The following PKIB variants were observed in gnomAD, a reference collection of about 807,000 sequenced individuals.
The protein encoded by PKIB is PKI-beta.
A neutral mutation model predicts 4.5 loss-of-function variants in PKIB; 2 were observed. That is an observed-to-expected ratio of 0.44 (90% CI 0.18 to 1.39). PKIB has a LOEUF of 1.39. Among genes scored for constraint, PKIB ranks in the 40% most tolerant of loss-of-function variants. PKIB has a pLI of 0.27. For synonymous variants in PKIB, 38 were observed against 36.0 expected, an observed-to-expected ratio of 1.06 and a Z score of -0.20; for missense variants, 94 against 92.6, an observed-to-expected ratio of 1.02 and a Z score of -0.06.
chr6:122,508,586 T>C (rs1776490667), intron 2 of PKIB, among the ~76,000 whole-genome samples: 1 of 152,162 alleles, frequency 6.6e-6, no homozygotes, highest in South Asian at 2.1e-4. Context: ...TGTGCTCAGA[T>C]ATGAGTTATA....
At chr6:122,693,417 A>G (rs1778430526) in intron 3 of PKIB, among the ~76,000 whole-genome samples, 2 of 152,238 alleles carry the variant, frequency 1.3e-5, no homozygotes, top group Admixed American at 1.3e-4. Context: ...TTGAATTATG[A>G]TAGATTTGTG....
chr6:122,497,768 A>G (rs752891527), intron 2 of PKIB, among the ~76,000 whole-genome samples: 1 of 152,158 alleles, frequency 6.6e-6, no homozygotes, highest in Non-Finnish European at 1.5e-5. Flanking sequence ...ATAGTGGGGG[A>G]CTTTACCATT....
At chr6:122,593,842 G>A (rs1362960284) in intron 3 of PKIB, among the ~76,000 whole-genome samples, 2 of 152,172 alleles carry the variant, frequency 1.3e-5, no homozygotes, top group Admixed American at 1.3e-4. Flanking sequence ...GATTAAGGAT[G>A]GATCTGCCTT....
At chr6:122,590,861 C>T (rs1773997723) in intron 3 of PKIB, among the ~76,000 whole-genome samples, 1 of 151,980 alleles carries the variant, frequency 6.6e-6, no homozygotes, top group Non-Finnish European at 1.5e-5. Flanking sequence ...CCTCTGCCCA[C>T]AAAGGGTAAT....
intron 3 of PKIB, among the ~76,000 whole-genome samples, chr6:122,587,805 T>C (rs562275252): frequency 2.6e-5 from 4 of 152,282 alleles, no homozygotes; most frequent in Admixed American, 6.5e-5. Flanking sequence ...TCATGTGTCT[T>C]TTGGCTGCAT....
chr6:122,576,225 C>T (rs765064062), intron 2 of PKIB, among the ~76,000 whole-genome samples: 5 of 152,034 alleles, frequency 3.3e-5, no homozygotes, highest in Non-Finnish European at 5.9e-5. Flanking sequence ...TTTGGCTGGG[C>T]GTGGTGGCTC....
intron 1 of PKIB, among the ~76,000 whole-genome samples, chr6:122,630,661 A>T (rs1186971995): frequency 6.6e-6 from 1 of 152,186 alleles, no homozygotes; most frequent in East Asian, 1.9e-4. Flanking sequence ...AATGATTATG[A>T]TACATTTTAT....
intron 3 of PKIB, chr6:122,701,374 T>G (rs563019082): frequency 2.4e-4 from 325 of 1,343,760 alleles, no homozygotes; most frequent in Non-Finnish European, 1.3e-4. Context: ...AGCTCTAGCC[T>G]GAGCTCTGGT....
chr6:122,634,129 G>A (rs1270919913), intron 2 of PKIB, among the ~76,000 whole-genome samples: 1 of 152,040 alleles, frequency 6.6e-6, no homozygotes, highest in African/African-American at 2.4e-5. Context: ...AACACTGCAT[G>A]TTCTCACTCA....
At position 122,725,245 on chromosome 6, in the gene PKIB, A is replaced by C. The variant is rs373207270; in HGVS notation, c.*50A>C. 7.4e-5 allele frequency: 108 copies of C among 1,463,942 alleles called. No homozygotes were observed. The African/African-American group carries it at 1.3e-3, about 18-fold the overall frequency. The allele number at this position is 1,463,942 out of a possible 1,614,324, so 90.7% of individuals were successfully genotyped here. A position where few individuals can be genotyped will look rare whatever the true frequency, so the allele number is the denominator to read the frequency against. On this transcript the variant is annotated 3_prime_UTR_variant, in exon 5 of 5. Transcript: ENST00000368452. ...TGAATTTCTGCATGTTGAAAGACTT[A>C]GTGGTTCTGTTTTCTTGAGACATTT...
At chr6:122,549,840 GTATA>G (rs1400336270) in intron 2 of PKIB, among the ~76,000 whole-genome samples, 2 of 146,366 alleles carry the variant, frequency 1.4e-5, no homozygotes, top group African/African-American at 5.0e-5. Flanking sequence ...AAATATATAT[GTATA>G]TATACACATA....
intron 2 of PKIB, among the ~76,000 whole-genome samples, chr6:122,487,304 T>G (rs1032983857): frequency 6.6e-6 from 1 of 152,224 alleles, no homozygotes; most frequent in Admixed American, 6.5e-5. Flanking sequence ...TTTTGAAGAA[T>G]GAAAGTTAGT....
intron 2 of PKIB, among the ~76,000 whole-genome samples, chr6:122,505,912 C>A (rs1043656896): frequency 1.3e-5 from 2 of 151,882 alleles, no homozygotes; most frequent in African/African-American, 4.8e-5. Flanking sequence ...GTCTGAGTTC[C>A]ACAATTTTTG....
chr6:122,628,317 G>C (rs1045099042), intron 1 of PKIB, among the ~76,000 whole-genome samples: 2 of 152,150 alleles, frequency 1.3e-5, no homozygotes, highest in East Asian at 3.9e-4. Context: ...GATTACAGGC[G>C]TGAGCCACCG....
intron 4 of PKIB, among the ~76,000 whole-genome samples, chr6:122,723,107 C>T (rs1779807076): frequency 6.6e-6 from 1 of 152,190 alleles, no homozygotes; most frequent in African/African-American, 2.4e-5. Flanking sequence ...CTTTCCTCAT[C>T]TCCCCTAACT....
In PKIB at chr6:122,726,202, A is replaced by T. The variant is rs1202130600; in HGVS notation, c.*1007A>T. On this transcript the variant is annotated 3_prime_UTR_variant, in exon 5 of 5. Coordinates refer to ENST00000368452, the MANE Select transcript of PKIB (RefSeq NM_181795.3). ...GTGTTAGTAAATTTTGATTTATTAGATATTTTAGAAAAATAATAGAATTCT... is the reference window on the plus strand; with the variant it reads ...GTGTTAGTAAATTTTGATTTATTAGTTATTTTAGAAAAATAATAGAATTCT... The T allele has an allele frequency of 6.6e-6, 1 of 152,166 alleles. No homozygotes were observed. Among genetic ancestry groups the T allele is most frequent in the East Asian group, 1.9e-4 (1 of 5,202 alleles). The allele number at this position is 152,166 out of a possible 1,614,324, so 9.4% of individuals were successfully genotyped here.
At chr6:122,670,555 C>T (rs1777424777) in intron 2 of PKIB, among the ~76,000 whole-genome samples, 1 of 150,692 alleles carries the variant, frequency 6.6e-6, no homozygotes, top group African/African-American at 2.4e-5. Context: ...TGCTCAGTGG[C>T]CCACAGCATG....
chr6:122,552,520 G>A (rs984407444), intron 2 of PKIB, among the ~76,000 whole-genome samples: 1 of 152,198 alleles, frequency 6.6e-6, no homozygotes, highest in Non-Finnish European at 1.5e-5. Flanking sequence ...GGGATTACAG[G>A]TGTGTGCCAC....
At chr6:122,501,929 CTTTTT>C (rs59519477) in intron 2 of PKIB, among the ~76,000 whole-genome samples, 1 of 124,610 alleles carries the variant, frequency 8.0e-6, no homozygotes, top group Non-Finnish European at 1.7e-5. Flanking sequence ...AGCCAGGCCA[CTTTTT>C]TTTTTTTTTT....
Sources: gnomAD v4.1 joint callset for allele counts (sites outside exome capture counted in the v4.1 genomes callset) on GRCh38, gnomAD v4.1.1 for gene constraint, MANE v1.5 for transcripts, NCBI Gene and HGNC (gene_info 2026-07-23, HGNC 2026-07-21) for gene names.